VAV3: variants seen among roughly 807,000 people sequenced by gnomAD.
VAV3 encodes the protein guanine nucleotide exchange factor VAV3.
VAV3 carries 94 observed loss-of-function variants against 131.2 expected under a neutral mutation model. The ratio of observed to expected loss-of-function variants is 0.72; its 90% confidence interval spans 0.61 to 0.85. VAV3 has a LOEUF of 0.85. Among genes scored for constraint, VAV3 ranks in the 40% least tolerant of loss-of-function variants. The probability of loss-of-function intolerance (pLI) is 0.00; values close to 1 mark genes in which losing one functional copy is unlikely to be tolerated. For synonymous variants in VAV3, 349 were observed against 342.0 expected (o/e 1.02, Z -0.22); for missense variants, 939 against 1,002.7 (o/e 0.94, Z 0.86).
chr1:107,827,268 T>C (rs1477783365), intron 2 of VAV3, among the ~76,000 whole-genome samples: 1 of 152,134 alleles, frequency 6.6e-6, no homozygotes, highest in East Asian at 1.9e-4. Flanking sequence ...TATTTGACAC[T>C]TAGTTCTTCC....
chr1:107,941,382 G>A (rs1216921216), intron 1 of VAV3, among the ~76,000 whole-genome samples: 2 of 152,194 alleles, frequency 1.3e-5, no homozygotes, highest in Non-Finnish European at 2.9e-5. Flanking sequence ...TTTTTGCTGT[G>A]TAATTGCTTT....
chr1:107,964,935 G>A lies in VAV3; in HGVS notation c.-66C>T, dbSNP rs1274710169. ...CAAGGATGCGGCCGCCGCCGCCGCC[G>A]CCGCGGTTCCTCCGCGCCCCGCCGA... is the stretch of plus-strand genomic sequence containing the variant. On this transcript the variant is annotated 5_prime_UTR_variant, in exon 1 of 27. Transcript: ENST00000370056. 1.5e-5 allele frequency: 18 copies of A among 1,208,294 alleles called. No homozygotes were observed. The African/African-American group carries it at 2.6e-4, about 17-fold the overall frequency. 74.8% of individuals were successfully genotyped at this position (1,208,294 alleles called of 1,614,324 possible).
At chr1:107,917,975 G>C (rs1332986520) in intron 1 of VAV3, among the ~76,000 whole-genome samples, 1 of 152,134 alleles carries the variant, frequency 6.6e-6, no homozygotes, top group African/African-American at 2.4e-5. Flanking sequence ...AACTGAAAAA[G>C]GGTAGTAATA....
chr1:107,655,204 C>T (rs1057326232), intron 19 of VAV3, among the ~76,000 whole-genome samples: 1 of 152,084 alleles, frequency 6.6e-6, no homozygotes, highest in Non-Finnish European at 1.5e-5. Context: ...GGAGATATCA[C>T]ACTACCTGAC....
At chr1:107,839,143 C>A (rs147649786) in intron 2 of VAV3, among the ~76,000 whole-genome samples, 191 of 152,206 alleles carry the variant, frequency 1.3e-3, no homozygotes, top group African/African-American at 4.2e-3. Flanking sequence ...CTGTAGTAGT[C>A]AAATGCATAA....
At position 107,635,596 on chromosome 1, in the gene VAV3, C is replaced by T. The variant is rs184560687; in HGVS notation, c.1914+7023G>A. Among the ~76,000 whole-genome samples, 294 of 151,998 alleles carry T rather than the reference C, an allele frequency of 1.9e-3. 1 individual carries two copies. The highest frequency in any genetic ancestry group is 6.8e-3 in the African/African-American group (282 of 41,496). On this transcript the variant is annotated intron_variant, in intron 20 of 26. Transcript: ENST00000370056. ...GTAACAAACCTGCACGTTGTGCACA[C>T]GTACCCTAAAACTTAAAGTATAATA...
intron 1 of VAV3, among the ~76,000 whole-genome samples, chr1:107,961,117 A>G (rs1675062144): frequency 6.6e-6 from 1 of 152,184 alleles, no homozygotes. Context: ...GAATCCTTGA[A>G]GTCTGAATTA....
chr1:107,763,738 TTGG>T (rs1319173395), intron 9 of VAV3, among the ~76,000 whole-genome samples: 1 of 152,192 alleles, frequency 6.6e-6, no homozygotes, highest in Non-Finnish European at 1.5e-5. Context: ...GTACAGTTAC[TTGG>T]TGGCCTGTTA....
intron 19 of VAV3, among the ~76,000 whole-genome samples, chr1:107,662,541 C>T (rs72703598): frequency 0.024 from 3,666 of 152,148 alleles, 75 homozygotes; most frequent in Non-Finnish European, 0.036. Flanking sequence ...TTTAGAGGCC[C>T]AATAGTTATC....
chr1:107,839,476 C>T (rs1345539286), intron 2 of VAV3, among the ~76,000 whole-genome samples: 1 of 152,028 alleles, frequency 6.6e-6, no homozygotes, highest in Non-Finnish European at 1.5e-5. Flanking sequence ...ATTTTAACTA[C>T]ATGAAAATCA....
At chr1:107,666,050 C>T (rs1383324672) in intron 19 of VAV3, among the ~76,000 whole-genome samples, 5 of 152,170 alleles carry the variant, frequency 3.3e-5, no homozygotes, top group African/African-American at 4.8e-5. Context: ...AGTAACACCA[C>T]GTGGCCTGAA....
At chr1:107,861,748 T>C (rs1049486312) in intron 2 of VAV3, among the ~76,000 whole-genome samples, 3 of 151,514 alleles carry the variant, frequency 2.0e-5, no homozygotes, top group South Asian at 2.1e-4. Context: ...AGAGTGTAAA[T>C]GATTCAGCAC....
chr1:107,934,923 C>CCT (rs1164563724), intron 1 of VAV3, among the ~76,000 whole-genome samples: 1 of 152,214 alleles, frequency 6.6e-6, no homozygotes, highest in Non-Finnish European at 1.5e-5. Context: ...ACCAGGCTAT[C>CCT]TGCAGCTTTG....
intron 22 of VAV3, among the ~76,000 whole-genome samples, chr1:107,604,551 G>A (rs1479280614): frequency 6.6e-6 from 1 of 151,992 alleles, no homozygotes; most frequent in African/African-American, 2.4e-5. Context: ...TGCGCTTAGG[G>A]TCTTCTCACA....
Position 107,572,523 on chromosome 1 carries a change from T to C in VAV3, c.*808A>G, listed in dbSNP as rs2769668. ...TTCTTCAGGTTATTGGCAACTACCC[T>C]TAATATACCTAGCCCAGATCCTTTC... On this transcript the variant is annotated 3_prime_UTR_variant, in exon 27 of 27. Transcript: ENST00000370056. The C allele has an allele frequency of 0.9, 137,881 of 152,666 alleles. 62,546 individuals are homozygous for C. Among genetic ancestry groups the C allele is most frequent in the East Asian group, 1 (5,178 of 5,182 alleles). The allele number at this position is 152,666 out of a possible 1,614,324, so 9.5% of individuals were successfully genotyped here.
intron 1 of VAV3, among the ~76,000 whole-genome samples, chr1:107,931,019 C>T (rs1214672201): frequency 6.6e-6 from 1 of 152,090 alleles, no homozygotes. Flanking sequence ...ACCAGGTTTC[C>T]TGATCTCGTT....
At chr1:107,669,985 A>G (rs961825026) in intron 19 of VAV3, among the ~76,000 whole-genome samples, 3 of 152,174 alleles carry the variant, frequency 2.0e-5, no homozygotes, top group Admixed American at 1.3e-4. Context: ...ATTATATGAC[A>G]TGATTTTGTA....
At chr1:107,864,310 T>C (rs936043302) in intron 2 of VAV3, among the ~76,000 whole-genome samples, 2 of 152,166 alleles carry the variant, frequency 1.3e-5, no homozygotes, top group South Asian at 2.1e-4. Context: ...TTATAACTTA[T>C]ATAAAACTTA....
chr1:107,654,176 T>C (rs1279192295), intron 19 of VAV3, among the ~76,000 whole-genome samples: 1 of 152,044 alleles, frequency 6.6e-6, no homozygotes, highest in Non-Finnish European at 1.5e-5. Flanking sequence ...TTAGATTAGA[T>C]TACAGAAAGG....
Sources: allele counts gnomAD v4.1 joint callset (sites outside exome capture counted in the v4.1 genomes callset), GRCh38; gene constraint gnomAD v4.1.1; transcripts MANE v1.5; gene names NCBI Gene and HGNC (gene_info 2026-07-23, HGNC 2026-07-21).